Variants in LRRTM3 observed in about 807,000 individuals in gnomAD.
LRRTM3 encodes leucine rich repeat transmembrane neuronal 3.
LRRTM3 carries 24 observed loss-of-function variants against 44.7 expected under a neutral mutation model. The observed-to-expected ratio is 0.54, with a 90% CI of 0.39 to 0.76. The LOEUF is 0.76. LRRTM3 is among the 30% of genes least tolerant of loss of function. The pLI is 0.00. For missense variants in LRRTM3, 587 were observed against 702.2 expected (o/e 0.84, Z 1.85); for synonymous variants, 277 against 278.7 (o/e 0.99, Z 0.06).
chr10:66,962,399 GT>G (rs1358916831), intron 2 of LRRTM3, among the ~76,000 whole-genome samples: 69 of 147,260 alleles, frequency 4.7e-4, no homozygotes, highest in African/African-American at 1.6e-3. Flanking sequence ...TTTTTGTTTT[GT>G]TTTTTGTTTT....
intron 2 of LRRTM3, among the ~76,000 whole-genome samples, chr10:67,057,748 T>G (rs1855525530): frequency 6.6e-6 from 1 of 152,106 alleles, no homozygotes; most frequent in Admixed American, 6.6e-5. Context: ...GAGCTTCTTC[T>G]TCACTCTCTC....
At chr10:67,055,880 G>A (rs1855398695) in intron 2 of LRRTM3, among the ~76,000 whole-genome samples, 1 of 152,060 alleles carries the variant, frequency 6.6e-6, no homozygotes, top group Non-Finnish European at 1.5e-5. Context: ...AATCCATCAT[G>A]AATATAGATT....
rs1294591857 is a variant in LRRTM3, at chr10:67,097,951, G to A, written c.*155G>A. ...ATCCAAGATTGATTCATGAAATAAAGAAGACATGAATTGTTTTAAGTCTAC... is the reference window on the plus strand; with the variant it reads ...ATCCAAGATTGATTCATGAAATAAAAAAGACATGAATTGTTTTAAGTCTAC... On this transcript the variant is annotated 3_prime_UTR_variant, in exon 3 of 3. Transcript: ENST00000361320. 1.5e-6 allele frequency: 1 copy of A among 655,870 alleles called. No homozygotes were observed. Among genetic ancestry groups the A allele is most frequent in the Non-Finnish European group, 2.6e-6 (1 of 384,770 alleles). The allele number at this position is 655,870 out of a possible 1,614,324, so 40.6% of individuals were successfully genotyped here. A position where few individuals can be genotyped will look rare whatever the true frequency, so the allele number is the denominator to read the frequency against.
chr10:67,046,164 C>T (rs1854731165), intron 2 of LRRTM3, among the ~76,000 whole-genome samples: 1 of 152,308 alleles, frequency 6.6e-6, no homozygotes, highest in Non-Finnish European at 1.5e-5. Flanking sequence ...TTATCCATTT[C>T]ATATTAGAAT....
At chr10:66,932,789 A>C (rs1378966947) in intron 2 of LRRTM3, among the ~76,000 whole-genome samples, 1 of 152,128 alleles carries the variant, frequency 6.6e-6, no homozygotes, top group Non-Finnish European at 1.5e-5. Context: ...TAGCCTCCAA[A>C]AGTTGGTGAT....
intron 2 of LRRTM3, among the ~76,000 whole-genome samples, chr10:67,053,053 C>G (rs996602969): frequency 1.3e-5 from 2 of 152,134 alleles, no homozygotes; most frequent in Non-Finnish European, 2.9e-5. Context: ...ATAACACATA[C>G]AAAAGCTAGA....
Position 67,077,919 on chromosome 10 carries a change from G to A in LRRTM3, c.1537-19668G>A, listed in dbSNP as rs187548731. 2.6e-5 allele frequency among the ~76,000 whole-genome samples: 4 copies of A among 152,122 alleles called. No individual in the cohort carries two copies. The South Asian group carries it at 8.3e-4, about 32-fold the overall frequency. On this transcript the variant is annotated intron_variant, in intron 2 of 2. Transcript: ENST00000361320. Reference sequence around the variant, plus strand: ...CTAGATTAACAGAGGAGGAAGGGAAGGGGACAGAGAGAGAATATAAGTGAT... The same window carrying A: ...CTAGATTAACAGAGGAGGAAGGGAAAGGGACAGAGAGAGAATATAAGTGAT...
At chr10:66,963,709 A>G (rs1849248294) in intron 2 of LRRTM3, among the ~76,000 whole-genome samples, 1 of 152,046 alleles carries the variant, frequency 6.6e-6, no homozygotes, top group African/African-American at 2.4e-5. Flanking sequence ...GGAGACCAAG[A>G]CTCTATTCAT....
chr10:66,971,079 A>C (rs1849694567), intron 2 of LRRTM3, among the ~76,000 whole-genome samples: 1 of 152,160 alleles, frequency 6.6e-6, no homozygotes, highest in Non-Finnish European at 1.5e-5. Flanking sequence ...AAAAAAAATG[A>C]AAATGTATCT....
At chr10:66,954,181 GAAAT>G (rs1306924817) in intron 2 of LRRTM3, among the ~76,000 whole-genome samples, 1 of 152,030 alleles carries the variant, frequency 6.6e-6, no homozygotes, top group Non-Finnish European at 1.5e-5. Context: ...TATGAAATTT[GAAAT>G]ATATAGATTT....
In LRRTM3 at chr10:67,097,145, G is replaced by T. The variant is rs199905119; in HGVS notation, c.1537-442G>T. On this transcript the variant is annotated intron_variant, in intron 2 of 2. Coordinates refer to ENST00000361320, the MANE Select transcript of LRRTM3 (RefSeq NM_178011.5). Reference sequence around the variant, plus strand: ...CAGGGGGTTGACTAGTTAAAGAAGTGGGTGGTGATTTTTGTGAATGCTAAA... The same window carrying T: ...CAGGGGGTTGACTAGTTAAAGAAGTTGGTGGTGATTTTTGTGAATGCTAAA... Among the ~76,000 whole-genome samples the T allele has an allele frequency of 2.0e-5, 3 of 151,844 alleles. No individual in the cohort carries two copies. The East Asian group carries it at 5.8e-4, about 29-fold the overall frequency.
At chr10:67,074,650 C>T (rs1269775227) in intron 2 of LRRTM3, among the ~76,000 whole-genome samples, 1 of 152,104 alleles carries the variant, frequency 6.6e-6, no homozygotes, top group Non-Finnish European at 1.5e-5. Flanking sequence ...GCGCCCAACC[C>T]ACTTTAACTC....
At chr10:67,059,744 A>G (rs1272763534) in intron 2 of LRRTM3, among the ~76,000 whole-genome samples, 1 of 152,182 alleles carries the variant, frequency 6.6e-6, no homozygotes, top group African/African-American at 2.4e-5. Flanking sequence ...CTGAAAATGC[A>G]TAATGAACTT....
chr10:66,957,629 A>G (rs1224573441), intron 2 of LRRTM3, among the ~76,000 whole-genome samples: 1 of 151,766 alleles, frequency 6.6e-6, no homozygotes, highest in East Asian at 1.9e-4. Context: ...GATACACTCA[A>G]AAGGAGTGAC....
At chr10:66,946,248 C>G (rs1168074716) in intron 2 of LRRTM3, among the ~76,000 whole-genome samples, 1 of 152,050 alleles carries the variant, frequency 6.6e-6, no homozygotes, top group Non-Finnish European at 1.5e-5. Flanking sequence ...GAATTGGAAT[C>G]CAATGATAAT....
chr10:66,990,927 C>T (rs1288389078), intron 2 of LRRTM3, among the ~76,000 whole-genome samples: 1 of 152,122 alleles, frequency 6.6e-6, no homozygotes, highest in Non-Finnish European at 1.5e-5. Flanking sequence ...GTGAGGCAAA[C>T]AAAGCATCAT....
chr10:67,039,608 T>C (rs139054580), intron 2 of LRRTM3, among the ~76,000 whole-genome samples: 11 of 152,112 alleles, frequency 7.2e-5, no homozygotes, highest in Admixed American at 2.0e-4. Flanking sequence ...AGAGAACTAA[T>C]ATCTAGAGGT....
rs1040692370 is a variant in LRRTM3, at chr10:67,100,850, T to C, written c.*3054T>C. The stretch of plus-strand genomic sequence containing the variant: ...AACACAGGGCCAATAATTGGTGCAG[T>C]TGAATTATTCTCAAAATTTACAGGC... On this transcript the variant is annotated 3_prime_UTR_variant, in exon 3 of 3. Transcript: ENST00000361320. 6.6e-6 allele frequency among the ~76,000 whole-genome samples: 1 copy of C among 151,714 alleles called. No homozygotes were observed. The highest frequency in any genetic ancestry group is 1.5e-5 in the Non-Finnish European group (1 of 67,780).
intron 2 of LRRTM3, among the ~76,000 whole-genome samples, chr10:66,962,689 G>A (rs1416040117): frequency 2.0e-5 from 3 of 152,026 alleles, no homozygotes; most frequent in Non-Finnish European, 4.4e-5. Context: ...GGGATTACAG[G>A]CGTGAGCCAC....
Sources: gnomAD v4.1 joint callset for allele counts (sites outside exome capture counted in the v4.1 genomes callset) on GRCh38, gnomAD v4.1.1 for gene constraint, MANE v1.5 for transcripts, NCBI Gene and HGNC (gene_info 2026-07-23, HGNC 2026-07-21) for gene names.